Variants in MEIKIN observed in about 807,000 individuals in gnomAD.
MEIKIN encodes the protein meiotic kinetochore factor, also known as meiosis-specific kinetochore protein.
At chr5:131,929,174 T>C (rs1751640695) in intron 5 of MEIKIN, among the ~76,000 whole-genome samples, 2 of 152,234 alleles carry the variant, frequency 1.3e-5, no homozygotes, top group South Asian at 2.1e-4. Context: ...CATAGTTTTA[T>C]GGGGGCTCCC....
At chr5:131,807,580 T>C (rs1394664494) in intron 12 of MEIKIN, among the ~76,000 whole-genome samples, 1 of 152,216 alleles carries the variant, frequency 6.6e-6, no homozygotes, top group East Asian at 1.9e-4. Flanking sequence ...CCTGGAGCAC[T>C]TGATCCAGTT....
At chr5:131,907,398 A>T (rs1191652498) in intron 8 of MEIKIN, among the ~76,000 whole-genome samples, 1 of 152,024 alleles carries the variant, frequency 6.6e-6, no homozygotes, top group East Asian at 1.9e-4. Flanking sequence ...TTGTAAAAAA[A>T]AAACTGACAA....
At chr5:131,841,780 T>C (rs1749918849) in intron 11 of MEIKIN, among the ~76,000 whole-genome samples, 1 of 152,226 alleles carries the variant, frequency 6.6e-6, no homozygotes. Context: ...TCTTATAATT[T>C]TTAGTATATA....
At chr5:131,893,017 C>T (rs989777262) in intron 8 of MEIKIN, among the ~76,000 whole-genome samples, 2 of 152,194 alleles carry the variant, frequency 1.3e-5, no homozygotes, top group African/African-American at 2.4e-5. Context: ...GCAGTGGTGG[C>T]TGCAGAACAG....
At chr5:131,816,847 G>T (rs1288415518) in intron 12 of MEIKIN, among the ~76,000 whole-genome samples, 1 of 152,154 alleles carries the variant, frequency 6.6e-6, no homozygotes, top group Non-Finnish European at 1.5e-5. Context: ...TGTAAATTAG[G>T]TTGGGTAGCA....
At chr5:131,900,362 A>T (rs1399500506) in intron 8 of MEIKIN, among the ~76,000 whole-genome samples, 1 of 152,200 alleles carries the variant, frequency 6.6e-6, no homozygotes, top group African/African-American at 2.4e-5. Context: ...CAGAGGGCTA[A>T]GGCGCACTGG....
chr5:131,851,240 T>G (rs1750109268), intron 11 of MEIKIN, 24 bp downstream of exon 11: 2 of 397,516 alleles, frequency 5.0e-6, no homozygotes, highest in Non-Finnish European at 8.9e-6. Context: ...CTTTAGTAAT[T>G]GAAGGAAAAA....
At chr5:131,881,008 C>G (rs775158491) in intron 8 of MEIKIN, among the ~76,000 whole-genome samples, 21 of 152,056 alleles carry the variant, frequency 1.4e-4, no homozygotes, top group Non-Finnish European at 2.9e-4. Flanking sequence ...TCTGTTAATC[C>G]TAGAGACTAA....
intron 7 of MEIKIN, among the ~76,000 whole-genome samples, chr5:131,915,960 C>T (rs1418384786): frequency 2.6e-5 from 4 of 152,112 alleles, no homozygotes; most frequent in Non-Finnish European, 5.9e-5. Flanking sequence ...ACATAGGCAA[C>T]AGTCATTAAA....
At chr5:131,890,138 G>GTTCATC (rs1216953810) in intron 8 of MEIKIN, among the ~76,000 whole-genome samples, 72 of 144,704 alleles carry the variant, frequency 5.0e-4, no homozygotes, top group Non-Finnish European at 9.0e-4. Context: ...GGATTTTTGC[G>GTTCATC]AAGGATATTG....
intron 9 of MEIKIN, among the ~76,000 whole-genome samples, chr5:131,871,944 G>A (rs1179605488): frequency 2.6e-5 from 4 of 152,130 alleles, no homozygotes; most frequent in Admixed American, 1.3e-4. Context: ...GGTCCTGACT[G>A]TTAGAAGGAA....
rs375604409 is a variant in MEIKIN, at chr5:131,894,769, A to C, written c.704-15721T>G. On this transcript the variant is annotated intron_variant, in intron 8 of 12. Transcript: ENST00000442687. ...GATTTTGTATCCTGAGATTTTGCTGAAGTTGCCTATCAGCTTAAGGAGATT... is the reference window on the plus strand; with the variant it reads ...GATTTTGTATCCTGAGATTTTGCTGCAGTTGCCTATCAGCTTAAGGAGATT... Among the ~76,000 whole-genome samples, 17 of 152,194 alleles carry C rather than the reference A, an allele frequency of 1.1e-4. No individual in the cohort carries two copies. In the East Asian group the frequency reaches 1.3e-3, roughly 12 times the overall value.
chr5:131,884,889 G>A (rs1024241943), intron 8 of MEIKIN, among the ~76,000 whole-genome samples: 3 of 152,140 alleles, frequency 2.0e-5, no homozygotes, highest in Non-Finnish European at 2.9e-5. Flanking sequence ...GGGTACCCTG[G>A]CAGTATTCCC....
chr5:131,844,148 A>G (rs1026867922), intron 11 of MEIKIN, among the ~76,000 whole-genome samples: 2 of 152,138 alleles, frequency 1.3e-5, no homozygotes, highest in Non-Finnish European at 2.9e-5. Context: ...CTGTCACAAG[A>G]ACAGCAAGGG....
chr5:131,865,519 A>G (rs1258065619), intron 9 of MEIKIN, among the ~76,000 whole-genome samples: 1 of 152,194 alleles, frequency 6.6e-6, no homozygotes, highest in Non-Finnish European at 1.5e-5. Flanking sequence ...GCACCCGGCC[A>G]TGAATTTCTT....
chr5:131,861,272 C>G (rs1750281101), intron 9 of MEIKIN, among the ~76,000 whole-genome samples: 1 of 151,842 alleles, frequency 6.6e-6, no homozygotes, highest in African/African-American at 2.4e-5. Flanking sequence ...GCCTGTAGTC[C>G]CAGCTACTTG....
chr5:131,887,983 G>C (rs1248391944), intron 8 of MEIKIN, among the ~76,000 whole-genome samples: 1 of 137,354 alleles, frequency 7.3e-6, no homozygotes, highest in Non-Finnish European at 1.5e-5. Context: ...CCTTGTGATA[G>C]TTTGCTGAGA....
chr5:131,919,931 C>T (rs530858115), intron 6 of MEIKIN, among the ~76,000 whole-genome samples: 1 of 152,178 alleles, frequency 6.6e-6, no homozygotes, highest in Admixed American at 6.5e-5. Flanking sequence ...AAGGTGAATG[C>T]AAAAGTGAAT....
chr5:131,914,612 A>G (rs62384093), intron 7 of MEIKIN, among the ~76,000 whole-genome samples: 844 of 3,262 alleles, frequency 0.26, 59 homozygotes, highest in South Asian at 0.42. Flanking sequence ...GAAGGGAAGG[A>G]AAGGGAAGGA....
Sources: gnomAD v4.1 joint callset for allele counts (sites outside exome capture counted in the v4.1 genomes callset) on GRCh38, gnomAD v4.1.1 for gene constraint, MANE v1.5 for transcripts, NCBI Gene and HGNC (gene_info 2026-07-23, HGNC 2026-07-21) for gene names.